The following RIPK2 variants were observed in gnomAD, a reference collection of about 807,000 sequenced individuals.
RIPK2 encodes receptor-interacting serine/threonine-protein kinase 2.
RIPK2 carries 38 observed loss-of-function variants against 60.9 expected under a neutral mutation model. The ratio of observed to expected loss-of-function variants is 0.62; its 90% CI spans 0.48 to 0.82. The LOEUF (loss-of-function observed/expected upper bound fraction) is 0.82, where lower values mean the gene tolerates loss of function less well. Among genes scored for constraint, RIPK2 ranks in the 40% least tolerant of loss-of-function variants. The pLI is 0.00. For synonymous variants in RIPK2, 225 were observed against 223.4 expected (o/e 1.01, Z -0.06); for missense variants, 518 against 647.0 (o/e 0.80, Z 2.16).
At position 89,790,535 on chromosome 8, in the gene RIPK2, A is replaced by G. The variant is rs1185428969; in HGVS notation, c.*119A>G. 4.3e-6 allele frequency: 3 copies of G among 699,804 alleles called. No individual in the cohort carries two copies. The highest frequency in any genetic ancestry group is 6.9e-6 in the Non-Finnish European group (3 of 434,344). 43.3% of individuals were successfully genotyped at this position (699,804 alleles called of 1,614,324 possible). A position where few individuals can be genotyped will look rare whatever the true frequency, so the allele number is the denominator to read the frequency against. On this transcript the variant is annotated 3_prime_UTR_variant, in exon 11 of 11. Coordinates refer to ENST00000220751, the MANE Select transcript of RIPK2 (RefSeq NM_003821.6). ...GCTTTATTGAAGGTTCTTTGGGTAA[A>G]TATTAGTCTCCCTCCATGACACTGC...
At chr8:89,770,172 A>G (rs1809290705) in intron 4 of RIPK2, among the ~76,000 whole-genome samples, 1 of 151,904 alleles carries the variant, frequency 6.6e-6, no homozygotes, top group Non-Finnish European at 1.5e-5. Flanking sequence ...CTATCAATTT[A>G]TAATATAATA....
chr8:89,789,757 A>G (rs1809644768), intron 10 of RIPK2, among the ~76,000 whole-genome samples: 1 of 152,210 alleles, frequency 6.6e-6, no homozygotes, highest in South Asian at 2.1e-4. Flanking sequence ...ATTTGCAGGT[A>G]TCTTTTATAT....
rs1554598929 is a variant in RIPK2 at position 89,784,140 on chromosome 8, G to GT, written c.1029+2dup. 2 of 476,196 alleles carry GT rather than the reference G, an allele frequency of 4.2e-6. No individual in the cohort carries two copies. The highest frequency in any genetic ancestry group is 6.0e-6 in the Non-Finnish European group (2 of 332,440). The allele number at this position is 476,196 out of a possible 1,614,324, so 29.5% of individuals were successfully genotyped here. On this transcript the variant is annotated splice_donor_variant, in intron 8 of 10. Transcript: ENST00000220751. LOFTEE classifies it high-confidence loss of function. ...ACCTGTAAATCATGGTCCACAAGAGGTAAAAAAAAAAAAAAAAAAAAAAAG... is the reference window on the plus strand; with the variant it reads ...ACCTGTAAATCATGGTCCACAAGAGGTTAAAAAAAAAAAAAAAAAAAAAAAG...
At chr8:89,788,124 T>A (rs1809616582) in intron 9 of RIPK2, among the ~76,000 whole-genome samples, 1 of 151,936 alleles carries the variant, frequency 6.6e-6, no homozygotes, top group Admixed American at 6.6e-5. Flanking sequence ...GGCAAATCAC[T>A]TGAGGCCAGG....
chr8:89,787,260 T>C (rs957477588), intron 9 of RIPK2, among the ~76,000 whole-genome samples: 6 of 152,216 alleles, frequency 3.9e-5, no homozygotes, highest in Non-Finnish European at 7.4e-5. Flanking sequence ...TGTTTCTAAA[T>C]AACTATTATA....
intron 7 of RIPK2, chr8:89,780,833 A>G: frequency 6.6e-6 from 1 of 151,916 alleles, no homozygotes. Flanking sequence ...TTCATGTTTT[A>G]TAGACCAAGG....
intron 8 of RIPK2, 124 bp downstream of exon 8, chr8:89,784,263 G>C: frequency 3.5e-6 from 2 of 571,670 alleles, no homozygotes; most frequent in Non-Finnish European, 2.9e-6. Flanking sequence ...GAGCTTTTAG[G>C]ATTTGTTTGG....
intron 1 of RIPK2, chr8:89,759,486 C>A: frequency 2.3e-6 from 1 of 434,610 alleles, no homozygotes; most frequent in Non-Finnish European, 4.7e-6. Context: ...AGCTTCCGCC[C>A]TGCCAAAGTT....
rs764850339 is a variant in RIPK2 at position 89,758,239 on chromosome 8, C to T, written c.173+6C>T. On this transcript the variant is annotated splice_donor_region_variant and intron_variant, in intron 1 of 10. Coordinates refer to ENST00000220751, the MANE Select transcript of RIPK2 (RefSeq NM_003821.6). ...CACACTCCGCTGCTCGACAGGTAGGCAGTCACTGGGGTTCCCTGGAAGAGC... is the reference window on the plus strand; with the variant it reads ...CACACTCCGCTGCTCGACAGGTAGGTAGTCACTGGGGTTCCCTGGAAGAGC... 4.4e-6 allele frequency: 7 copies of T among 1,596,670 alleles called. No individual in the cohort carries two copies. The highest frequency in any genetic ancestry group is 6.0e-6 in the Non-Finnish European group (7 of 1,172,614).
chr8:89,786,359 A>G (rs1312785180), intron 8 of RIPK2, among the ~76,000 whole-genome samples: 1 of 151,964 alleles, frequency 6.6e-6, no homozygotes, highest in Admixed American at 6.6e-5. Context: ...CTATAATCCC[A>G]GCTATTAAGG....
chr8:89,782,643 G>GAA (rs747253457), intron 7 of RIPK2, among the ~76,000 whole-genome samples: 2 of 109,108 alleles, frequency 1.8e-5, no homozygotes, highest in East Asian at 2.6e-4. Context: ...TGTCTCTTAA[G>GAA]AAAAAAAAAA....
At chr8:89,789,996 T>C in intron 10 of RIPK2, 83 bp from the exon 11 acceptor site, 1 of 980,412 alleles carries the variant, frequency 1.0e-6, no homozygotes, top group Non-Finnish European at 1.5e-6. Flanking sequence ...TGTTTTATGC[T>C]TTATTTATTT....
At chr8:89,767,580 T>C (rs1394174291) in intron 3 of RIPK2, among the ~76,000 whole-genome samples, 1 of 151,634 alleles carries the variant, frequency 6.6e-6, no homozygotes, top group East Asian at 1.9e-4. Context: ...CAAGTAGAAA[T>C]ACCTTAATGG....
Position 89,784,141 on chromosome 8 carries a change from T to A in RIPK2, c.1029+2T>A, listed in dbSNP as rs200269713. On this transcript the variant is annotated splice_donor_variant, in intron 8 of 10. Transcript: ENST00000220751. LOFTEE classifies it high-confidence loss of function. ...CCTGTAAATCATGGTCCACAAGAGG[T>A]AAAAAAAAAAAAAAAAAAAAAAAGG... The A allele has an allele frequency of 4.4e-4, 248 of 558,258 alleles. No individual in the cohort carries two copies. The highest frequency in any genetic ancestry group is 1.7e-3 in the African/African-American group (55 of 32,950). The allele number at this position is 558,258 out of a possible 1,614,324, so 34.6% of individuals were successfully genotyped here. A position where few individuals can be genotyped will look rare whatever the true frequency, so the allele number is the denominator to read the frequency against.
intron 1 of RIPK2, among the ~76,000 whole-genome samples, chr8:89,760,526 T>G (rs1345372255): frequency 6.6e-6 from 1 of 152,210 alleles, no homozygotes; most frequent in Admixed American, 6.5e-5. Flanking sequence ...ACTCACTCAA[T>G]CTTGCCAAAA....
At position 89,790,691 on chromosome 8, in the gene RIPK2, G is replaced by A; in HGVS notation, c.*275G>A. On this transcript the variant is annotated 3_prime_UTR_variant, in exon 11 of 11. Coordinates refer to ENST00000220751, the MANE Select transcript of RIPK2 (RefSeq NM_003821.6). ...TTCTTGTTTATAACAGTGCCTTAAGGTATGATGTATTTCTGATGGAAGCCA... is the reference window on the plus strand; with the variant it reads ...TTCTTGTTTATAACAGTGCCTTAAGATATGATGTATTTCTGATGGAAGCCA... 7.4e-6 allele frequency: 2 copies of A among 271,916 alleles called. No homozygotes were observed. The highest frequency in any genetic ancestry group is 6.9e-6 in the Non-Finnish European group (1 of 143,912). The allele number at this position is 271,916 out of a possible 1,614,324, so 16.8% of individuals were successfully genotyped here. A position where few individuals can be genotyped will look rare whatever the true frequency, so the allele number is the denominator to read the frequency against.
At chr8:89,772,629 A>T (rs1416128940) in intron 5 of RIPK2, 38 bp from the exon 6 acceptor site, 2 of 1,429,972 alleles carry the variant, frequency 1.4e-6, no homozygotes, top group South Asian at 1.3e-5. Context: ...CTTAATCATA[A>T]TATATTACTA....
intron 9 of RIPK2, among the ~76,000 whole-genome samples, chr8:89,788,789 A>C (rs1366466122): frequency 6.6e-6 from 1 of 151,314 alleles, no homozygotes; most frequent in Non-Finnish European, 1.5e-5. Flanking sequence ...AGAAAGAGAG[A>C]GAGACAGAGA....
At chr8:89,781,662 A>G (rs1427900240) in intron 7 of RIPK2, among the ~76,000 whole-genome samples, 1 of 152,198 alleles carries the variant, frequency 6.6e-6, no homozygotes, top group East Asian at 1.9e-4. Flanking sequence ...ACTAAGGTAC[A>G]GTAGTCTTCC....
Sources: gnomAD v4.1 joint callset for allele counts (sites outside exome capture counted in the v4.1 genomes callset) on GRCh38, gnomAD v4.1.1 for gene constraint, MANE v1.5 for transcripts, NCBI Gene and HGNC (gene_info 2026-07-23, HGNC 2026-07-21) for gene names.